Variants in ZFR2 observed in about 807,000 individuals in gnomAD.
ZFR2 encodes zinc finger RNA binding protein 2.
A neutral mutation model predicts 105.7 loss-of-function variants in ZFR2; 104 were observed. The ratio of observed to expected loss-of-function variants is 0.98; its 90% CI spans 0.84 to 1.16. The LOEUF (loss-of-function observed/expected upper bound fraction) is 1.16. Ranked by LOEUF, ZFR2 falls within the 50% of genes most tolerant of loss-of-function variation. The probability of loss-of-function intolerance (pLI) is 0.00; values close to 1 mark genes in which losing one functional copy is unlikely to be tolerated. For synonymous variants in ZFR2, 634 were observed against 597.7 expected (o/e 1.06, Z -0.89); for missense variants, 1,425 against 1,355.5 (o/e 1.05, Z -0.80).
At chr19:3,868,885 G>C (rs1163787251) in intron 1 of ZFR2, 80 bp downstream of exon 1, 1 of 1,133,630 alleles carries the variant, frequency 8.8e-7, no homozygotes, top group Non-Finnish European at 1.1e-6. Flanking sequence ...GGGCGCACGC[G>C]GCGGGAGAAG....
chr19:3,857,079 T>G (rs2038311778), intron 1 of ZFR2: 1 of 126,242 alleles, frequency 7.9e-6, no homozygotes, highest in Admixed American at 8.6e-5. Flanking sequence ...TTGTGAAATC[T>G]TCTTTTTTTT....
chr19:3,807,839 ATG>A (rs576048834), intron 17 of ZFR2, among the ~76,000 whole-genome samples: 35 of 131,894 alleles, frequency 2.7e-4, no homozygotes, highest in Middle Eastern at 0.011. Context: ...CACTCATTCC[ATG>A]TGTGTGCCCG....
chr19:3,826,939 C>T (rs2037957168), intron 6 of ZFR2, among the ~76,000 whole-genome samples: 1 of 152,094 alleles, frequency 6.6e-6, no homozygotes, highest in Admixed American at 6.6e-5. Context: ...GAGCAGGAAC[C>T]CTTTTTATAA....
At chr19:3,845,628 CAAAA>C (rs34786955) in intron 1 of ZFR2, among the ~76,000 whole-genome samples, 3 of 126,942 alleles carry the variant, frequency 2.4e-5, no homozygotes, top group African/African-American at 8.6e-5. Context: ...CCCATCTTTA[CAAAA>C]AAAAAAAAAA....
intron 1 of ZFR2, 98 bp from the exon 2 acceptor site, chr19:3,835,081 G>A (rs2038066396): frequency 1.4e-6 from 2 of 1,397,068 alleles, no homozygotes; most frequent in Non-Finnish European, 2.0e-6. Context: ...CTGGACCTGA[G>A]CTGCCCTGCT....
chr19:3,831,396 C>T lies in ZFR2; in HGVS notation c.759G>A (p.Pro253=), dbSNP rs1390920532. 8 of 1,555,970 alleles carry T rather than the reference C, an allele frequency of 5.1e-6. No homozygotes were observed. The highest frequency in any genetic ancestry group is 1.9e-5 in the Admixed American group (1 of 51,836). Residue 253 remains proline, a synonymous_variant, in exon 5 of 19, where the codon CCG becomes CCA. Transcript: ENST00000262961. ...GSSPRADSKP[P]LPSKLPRPKA... ...TGGGTCTCGGCAGCTTGCTGGGAAG[C>T]GGTGGCTTCGAGTCGGCCCTGGGGC...
At position 3,811,261 on chromosome 19, in the gene ZFR2, G is replaced by GC. The variant is rs758799464; in HGVS notation, c.2337+10dup. 2.5e-5 allele frequency: 39 copies of GC among 1,567,622 alleles called. No homozygotes were observed. The highest frequency in any genetic ancestry group is 5.6e-5 in the Admixed American group (3 of 53,978). ...ACCCCTCTCCCCCTGCTCCACCCCT[G>GC]CCCCCCTGACCTGAAACCACCTGGC... On this transcript the variant is annotated intron_variant, in intron 15 of 18. Transcript: ENST00000262961.
intron 15 of ZFR2, 23 bp downstream of exon 15, chr19:3,811,249 T>G (rs1226444894): frequency 1.7e-5 from 26 of 1,542,706 alleles, no homozygotes; most frequent in Non-Finnish European, 2.3e-5. Context: ...CCTCTCCCCC[T>G]GCTCCACCCC....
intron 1 of ZFR2, among the ~76,000 whole-genome samples, chr19:3,847,175 C>T (rs372797962): frequency 3.3e-5 from 5 of 152,250 alleles, no homozygotes; most frequent in African/African-American, 7.2e-5. Context: ...GGGGAGAGGG[C>T]GGCACACACA....
chr19:3,841,815 C>T (rs1361685509), intron 1 of ZFR2, among the ~76,000 whole-genome samples: 1 of 151,684 alleles, frequency 6.6e-6, no homozygotes, highest in Non-Finnish European at 1.5e-5. Flanking sequence ...GAGACAGAGT[C>T]TCACTCTGTC....
At chr19:3,826,129 G>C (rs543712774) in intron 6 of ZFR2, among the ~76,000 whole-genome samples, 1 of 151,936 alleles carries the variant, frequency 6.6e-6, no homozygotes, top group African/African-American at 2.4e-5. Flanking sequence ...CTAGCTCTCC[G>C]GTCCCCAGGC....
intron 12 of ZFR2, among the ~76,000 whole-genome samples, chr19:3,818,548 C>T (rs926398826): frequency 6.6e-6 from 1 of 152,154 alleles, no homozygotes; most frequent in African/African-American, 2.4e-5. Flanking sequence ...AGGTAACTCC[C>T]GCTCAGATGA....
chr19:3,854,333 C>T (rs2038273871), intron 1 of ZFR2, among the ~76,000 whole-genome samples: 1 of 151,970 alleles, frequency 6.6e-6, no homozygotes, highest in African/African-American at 2.4e-5. Flanking sequence ...GCGGAAGCTG[C>T]AGTGAGTTGA....
Position 3,831,291 on chromosome 19 carries a change from A to C in ZFR2, c.852+12T>G. On this transcript the variant is annotated intron_variant, in intron 5 of 18. Coordinates refer to ENST00000262961, the MANE Select transcript of ZFR2 (RefSeq NM_015174.2). Reference sequence around the variant, plus strand: ...GTCCCTGGGGCCTGCCCATGGCAGGAGGGCGACTGACCTGGGGGCCAGCGC... The same window carrying C: ...GTCCCTGGGGCCTGCCCATGGCAGGCGGGCGACTGACCTGGGGGCCAGCGC... 6.6e-7 allele frequency: 1 copy of C among 1,508,252 alleles called. No homozygotes were observed. The highest frequency in any genetic ancestry group is 8.9e-7 in the Non-Finnish European group (1 of 1,127,552). 93.4% of individuals were successfully genotyped at this position (1,508,252 alleles called of 1,614,324 possible). A position where few individuals can be genotyped will look rare whatever the true frequency, so the allele number is the denominator to read the frequency against.
At chr19:3,821,940 G>T in intron 9 of ZFR2, 141 bp downstream of exon 9, 1 of 1,321,992 alleles carries the variant, frequency 7.6e-7, no homozygotes, top group Non-Finnish European at 1.0e-6. Context: ...GGACCAAGAC[G>T]TTGAAAACCC....
In ZFR2 at chr19:3,813,806, G is replaced by C; in HGVS notation, c.2242+14C>G. On this transcript the variant is annotated intron_variant, in intron 14 of 18. Transcript: ENST00000262961. The surrounding 1 kb of genome is among the most constrained non-coding windows in gnomAD (Gnocchi z 4.4). ...TGAGGGGGACAGTGGTTGGAAGGAA[G>C]GGCTGGGCCGCACCTGGGTCTGTGG... is the stretch of plus-strand genomic sequence containing the variant. 1 of 1,613,340 alleles carries C rather than the reference G, an allele frequency of 6.2e-7. No homozygotes were observed. Among genetic ancestry groups the C allele is most frequent in the Non-Finnish European group, 8.5e-7 (1 of 1,179,652 alleles).
chr19:3,807,575 C>A (rs930760897), intron 17 of ZFR2, among the ~76,000 whole-genome samples: 1 of 151,176 alleles, frequency 6.6e-6, no homozygotes, highest in Non-Finnish European at 1.5e-5. Flanking sequence ...CCATGCGTGC[C>A]CATGTGCACG....
At chr19:3,866,051 AGG>A (rs2038423811) in intron 1 of ZFR2, among the ~76,000 whole-genome samples, 1 of 152,152 alleles carries the variant, frequency 6.6e-6, no homozygotes, top group Non-Finnish European at 1.5e-5. Flanking sequence ...CATGTTGGCC[AGG>A]CTGGTCTCGA....
At chr19:3,855,824 C>G (rs1490338665) in intron 1 of ZFR2, among the ~76,000 whole-genome samples, 1 of 151,898 alleles carries the variant, frequency 6.6e-6, no homozygotes, top group African/African-American at 2.4e-5. Flanking sequence ...CAGAAGGCAG[C>G]GTGACTAGAG....
Sources: gnomAD v4.1 joint callset for allele counts (sites outside exome capture counted in the v4.1 genomes callset) on GRCh38, gnomAD v4.1.1 for gene constraint, Gnocchi (gnomAD v3.1) non-coding constraint, MANE v1.5 for transcripts, NCBI Gene and HGNC (gene_info 2026-07-23, HGNC 2026-07-21) for gene names.